CLK3: variants seen among roughly 807,000 people sequenced by gnomAD.
The protein encoded by CLK3 is dual specificity protein kinase CLK3.
In CLK3, 24 loss-of-function variants were observed where a neutral mutation model predicts 65.2. The observed-to-expected ratio is 0.37, with a 90% CI of 0.27 to 0.52. CLK3 has a LOEUF of 0.52. Among genes scored for constraint, CLK3 ranks in the 20% least tolerant of loss-of-function variants. CLK3 has a pLI of 0.92. For synonymous variants in CLK3, 252 were observed against 240.8 expected, an observed-to-expected ratio of 1.05 and a Z score of -0.43; for missense variants, 506 against 660.0, an observed-to-expected ratio of 0.77 and a Z score of 2.56.
Position 74,627,599 on chromosome 15 carries a change from A to T in CLK3, c.973A>T (p.Thr325Ser), listed in dbSNP as rs777651153. The T allele has an allele frequency of 6.2e-7, 1 of 1,614,152 alleles. No homozygotes were observed. The highest frequency in any genetic ancestry group is 8.5e-7 in the Non-Finnish European group (1 of 1,180,044). The stretch of plus-strand genomic sequence containing the variant: ...CCGAGTGGCTGACTTTGGCAGTGCC[A>T]CATTTGACCATGAGCACCACACCAC... ...SIRVADFGSA[T>S]FDHEHHTTIV... Residue 325 changes from threonine (T) to serine (S), a missense_variant, in exon 9 of 13, where the codon ACA (threonine) becomes TCA (serine). Physicochemically the swap from Thr to Ser is moderately conservative, Grantham distance 58 (BLOSUM62 1). This residue lies in a region of CLK3 where 325 missense variants were observed against 500.5 expected (regional missense o/e 0.65). Transcript: ENST00000395066. This position sits in a 1 kb window ranked among gnomAD's most constrained non-coding sequence, Gnocchi z 4.3.
At chr15:74,629,468 G>T (rs1226994312) in intron 12 of CLK3, 3 of 572,046 alleles carry the variant, frequency 5.2e-6, no homozygotes, top group Admixed American at 6.1e-5. Context: ...CTTTGCATGT[G>T]GGGGCAGAGG....
chr15:74,625,761 C>T, intron 6 of CLK3, 41 bp from the exon 7 acceptor site: 4 of 1,610,502 alleles, frequency 2.5e-6, no homozygotes, highest in Middle Eastern at 1.7e-4. Flanking sequence ...GAGGCAGGCC[C>T]CCAGCACACA....
At chr15:74,629,630 G>C (rs1005700411) in intron 12 of CLK3, 77 bp from the exon 13 acceptor site, 31 of 1,317,592 alleles carry the variant, frequency 2.4e-5, no homozygotes, top group Admixed American at 1.6e-4. Flanking sequence ...CCAGCAAGGC[G>C]TCCCAGAGGC....
At chr15:74,623,130 ATGC>A (rs2141545493) in intron 5 of CLK3, among the ~76,000 whole-genome samples, 1 of 152,282 alleles carries the variant, frequency 6.6e-6, no homozygotes, top group African/African-American at 2.4e-5. Context: ...TGTGTGTGTC[ATGC>A]TGCACCTCAC....
upstream of CLK3, chr15:74,615,011 A>G (rs146653157): frequency 1.8e-5 from 3 of 169,592 alleles, no homozygotes; most frequent in Non-Finnish European, 3.7e-5. Context: ...TCATCTGGAA[A>G]GTGGGGCCTC....
chr15:74,615,352 T>G, upstream of CLK3: 1 of 1,072,658 alleles, frequency 9.3e-7, no homozygotes, highest in Non-Finnish European at 1.2e-6. Flanking sequence ...AAGATAATAA[T>G]GTGTCGTTCG....
Position 74,621,822 on chromosome 15 carries a change from C to G in CLK3, c.370-298C>G. On this transcript the variant is annotated intron_variant, in intron 3 of 12. Coordinates refer to ENST00000395066, the MANE Select transcript of CLK3 (RefSeq NM_001130028.2). The surrounding 1 kb of genome is among the most constrained non-coding windows in gnomAD (Gnocchi z 4.8). ...CTCAGCAGCAGAGGCAGGTCATCTT[C>G]CTGAGCGTTTGTGGCGCTCCTCTTA... The G allele has an allele frequency of 2.5e-6, 1 of 399,644 alleles. No individual in the cohort carries two copies. Among genetic ancestry groups the G allele is most frequent in the Non-Finnish European group, 4.9e-6 (1 of 203,014 alleles). 24.8% of individuals were successfully genotyped at this position (399,644 alleles called of 1,614,324 possible).
chr15:74,611,671 T>A (rs1483998573), upstream of CLK3, among the ~76,000 whole-genome samples: 1 of 152,194 alleles, frequency 6.6e-6, no homozygotes, highest in Non-Finnish European at 1.5e-5. Context: ...CCAACTTTCC[T>A]ATGCTCACCT....
rs77148754 is a variant in CLK3, at chr15:74,627,774, G to C, written c.1042+106G>C. Reference sequence around the variant, plus strand: ...CATTCTCTGCCACCCAGGGCAGGCAGAGTTTCTCAGACCAAGGGGCCAGTG... The same window carrying C: ...CATTCTCTGCCACCCAGGGCAGGCACAGTTTCTCAGACCAAGGGGCCAGTG... On this transcript the variant is annotated intron_variant, in intron 9 of 12. Coordinates refer to ENST00000395066, the MANE Select transcript of CLK3 (RefSeq NM_001130028.2). The surrounding 1 kb of genome is among the most constrained non-coding windows in gnomAD (Gnocchi z 4.3). 1.3e-6 allele frequency: 2 copies of C among 1,510,580 alleles called. No homozygotes were observed. Among genetic ancestry groups the C allele is most frequent in the East Asian group, 4.5e-5 (2 of 44,192 alleles). The allele number at this position is 1,510,580 out of a possible 1,614,324, so 93.6% of individuals were successfully genotyped here.
chr15:74,627,875 A>G lies in CLK3; in HGVS notation c.1043-95A>G. 4.0e-6 allele frequency: 5 copies of G among 1,235,480 alleles called. No homozygotes were observed. The East Asian group carries it at 9.3e-5, about 23-fold the overall frequency. The allele number at this position is 1,235,480 out of a possible 1,614,324, so 76.5% of individuals were successfully genotyped here. ...GAGGGCCTCGTACTGGGATTTGGGC[A>G]AGAGTCCTGCCAGCCGGTGTGGTGG... On this transcript the variant is annotated intron_variant, in intron 9 of 12. Coordinates refer to ENST00000395066, the MANE Select transcript of CLK3 (RefSeq NM_001130028.2). The surrounding 1 kb of genome is among the most constrained non-coding windows in gnomAD (Gnocchi z 4.3).
At chr15:74,625,710 T>C in intron 6 of CLK3, 92 bp from the exon 7 acceptor site, 1 of 1,389,312 alleles carries the variant, frequency 7.2e-7, no homozygotes, top group East Asian at 2.3e-5. Context: ...CCCGGTGGCC[T>C]AGGAGAGAGT....
intron 3 of CLK3, chr15:74,620,521 G>A (rs2062093568): frequency 3.8e-6 from 2 of 523,488 alleles, no homozygotes; most frequent in African/African-American, 3.8e-5. Flanking sequence ...CGTGGTGCAA[G>A]TGGCTGGGGA....
Position 74,622,247 on chromosome 15 carries a change from TCTA to T in CLK3, c.466+34_466+36del. ...GCCACCTTTCGTAAAACTTTACCTCTCTACTTTCTACCCCCCTTGTTAGACGAG... is the reference window on the plus strand; with the variant it reads ...GCCACCTTTCGTAAAACTTTACCTCTCTTTCTACCCCCCTTGTTAGACGAG... On this transcript the variant is annotated intron_variant, in intron 4 of 12. Coordinates refer to ENST00000395066, the MANE Select transcript of CLK3 (RefSeq NM_001130028.2). The surrounding 1 kb of genome is among the most constrained non-coding windows in gnomAD (Gnocchi z 4.6). The T allele has an allele frequency of 6.3e-7, 1 of 1,589,914 alleles. No homozygotes were observed. The highest frequency in any genetic ancestry group is 2.2e-5 in the East Asian group (1 of 44,538).
rs1322525783 is a variant in CLK3, at chr15:74,621,845, TTAAAGA to T, written c.370-271_370-266del. 1.1e-5 allele frequency: 5 copies of T among 436,114 alleles called. No homozygotes were observed. The highest frequency in any genetic ancestry group is 4.0e-5 in the African/African-American group (2 of 49,780). 27.0% of individuals were successfully genotyped at this position (436,114 alleles called of 1,614,324 possible). A position where few individuals can be genotyped will look rare whatever the true frequency, so the allele number is the denominator to read the frequency against. ...TTCCTGAGCGTTTGTGGCGCTCCTC[TTAAAGA>T]TAATGTCCGAGTTTTCTTTACATAC... is the stretch of plus-strand genomic sequence containing the variant. On this transcript the variant is annotated intron_variant, in intron 3 of 12. Transcript: ENST00000395066. The surrounding 1 kb of genome is among the most constrained non-coding windows in gnomAD (Gnocchi z 4.8).
chr15:74,608,780 G>A (rs954569443), intron 1 of CLK3: 3 of 152,250 alleles, frequency 2.0e-5, no homozygotes, highest in East Asian at 1.9e-4. Context: ...GTGTGATTCC[G>A]GGTTTAGGGC....
chr15:74,629,214 G>A (rs2062171939), intron 12 of CLK3, 182 bp downstream of exon 12: 1 of 700,706 alleles, frequency 1.4e-6, no homozygotes, highest in Admixed American at 2.0e-5. Context: ...CCCCAGAGGG[G>A]CCCTTAGCCC....
chr15:74,628,525 C>T (rs2141553074), intron 10 of CLK3, 79 bp from the exon 11 acceptor site: 1 of 1,040,360 alleles, frequency 9.6e-7, no homozygotes, highest in African/African-American at 1.6e-5. Context: ...GGCACTTGCC[C>T]ATCTTTCTTG....
upstream of CLK3, chr15:74,615,469 C>T: frequency 7.6e-7 from 1 of 1,313,982 alleles, no homozygotes; most frequent in Admixed American, 3.9e-5. Flanking sequence ...CCGTCCTCTC[C>T]GCGCGCAGGA....
intron 7 of CLK3, among the ~76,000 whole-genome samples, chr15:74,626,676 CG>C (rs1278380945): frequency 6.6e-6 from 1 of 152,118 alleles, no homozygotes; most frequent in Non-Finnish European, 1.5e-5. Flanking sequence ...AGCCTGTTAA[CG>C]GGCTGAGAAT....
Sources: allele counts gnomAD v4.1 joint callset (sites outside exome capture counted in the v4.1 genomes callset), GRCh38; gene constraint gnomAD v4.1.1; regional missense constraint gnomAD v4.1.1; non-coding constraint Gnocchi (gnomAD v3.1); transcripts MANE v1.5; gene names NCBI Gene and HGNC (gene_info 2026-07-23, HGNC 2026-07-21).